The following DPYD variants were observed in gnomAD, a reference collection of about 807,000 sequenced individuals.
DPYD encodes dihydropyrimidine dehydrogenase [NADP(+)].
A neutral mutation model predicts 116.2 loss-of-function variants in DPYD; 109 were observed. That is an observed-to-expected ratio of 0.94 (90% CI 0.80 to 1.10). The LOEUF (loss-of-function observed/expected upper bound fraction) is 1.10, where lower values mean the gene tolerates loss of function less well. Among genes scored for constraint, DPYD ranks in the 50% least tolerant of loss-of-function variants. The pLI is 0.00. For synonymous variants in DPYD, 440 were observed against 432.0 expected (o/e 1.02, Z -0.23); for missense variants, 1,302 against 1,254.5 (o/e 1.04, Z -0.57).
intron 5 of DPYD, among the ~76,000 whole-genome samples, chr1:97,714,655 CA>C (rs1193831747): frequency 0.059 from 2,954 of 49,940 alleles, 76 homozygotes; most frequent in African/African-American, 0.18. Flanking sequence ...AAAGAAAAGA[CA>C]AAAAAAAAAA....
At chr1:97,488,312 A>G (rs1678767168) in intron 13 of DPYD, among the ~76,000 whole-genome samples, 1 of 152,168 alleles carries the variant, frequency 6.6e-6, no homozygotes, top group South Asian at 2.1e-4. Flanking sequence ...TGTGACTACA[A>G]AAGGTTATGT....
chr1:97,882,818 C>T (rs1672295913), intron 2 of DPYD, among the ~76,000 whole-genome samples: 1 of 151,854 alleles, frequency 6.6e-6, no homozygotes, highest in African/African-American at 2.4e-5. Flanking sequence ...TTTTAAAGTC[C>T]ACAGATACCA....
chr1:97,549,566 G>T lies in DPYD; in HGVS notation c.1518C>A (p.Tyr506Ter). 5 of 1,613,762 alleles carry T rather than the reference G, an allele frequency of 3.1e-6. No individual in the cohort carries two copies. Among genetic ancestry groups the T allele is most frequent in the Non-Finnish European group, 4.2e-6 (5 of 1,179,786 alleles). Residue 506 changes from tyrosine (Y) to a stop codon, truncating the protein, a stop_gained, in exon 12 of 23, where the codon TAC (tyrosine) becomes TAA (stop). Coordinates refer to ENST00000370192, the MANE Select transcript of DPYD (RefSeq NM_000110.4). LOFTEE classifies it high-confidence loss of function. ...GKQASWYIHK[Y>*]VQSQYGASVS... is the part of the protein sequence containing the mutation. Reference sequence around the variant, plus strand: ...AATGATGGCAAATGCCTACCTGTACGTATTTGTGAATGTACCAAGAAGCTT... The same window carrying T: ...AATGATGGCAAATGCCTACCTGTACTTATTTGTGAATGTACCAAGAAGCTT...
chr1:97,243,908 A>G (rs1426980116), intron 18 of DPYD, among the ~76,000 whole-genome samples: 1 of 151,946 alleles, frequency 6.6e-6, no homozygotes, highest in Non-Finnish European at 1.5e-5. Context: ...AGCTATAACT[A>G]AAGATAATTA....
intron 18 of DPYD, chr1:97,296,271 C>A (rs1666525294): frequency 6.6e-6 from 1 of 152,034 alleles, no homozygotes; most frequent in Non-Finnish European, 1.5e-5. Flanking sequence ...ATAGAAAGAG[C>A]AAGTCATCAA....
chr1:97,627,122 C>T (rs965513547), intron 8 of DPYD, among the ~76,000 whole-genome samples: 2 of 151,886 alleles, frequency 1.3e-5, no homozygotes, highest in South Asian at 2.1e-4. Context: ...CTCTCAGGTC[C>T]TCATCACTTC....
intron 8 of DPYD, among the ~76,000 whole-genome samples, chr1:97,646,445 T>C (rs1022524067): frequency 2.6e-5 from 4 of 152,078 alleles, no homozygotes; most frequent in African/African-American, 9.7e-5. Flanking sequence ...AACGCACATC[T>C]TCTTTTATAT....
At chr1:97,745,851 A>G (rs1321034108) in intron 3 of DPYD, among the ~76,000 whole-genome samples, 1 of 152,108 alleles carries the variant, frequency 6.6e-6, no homozygotes, top group Non-Finnish European at 1.5e-5. Context: ...ACAGGTTAGA[A>G]TTTTAAAAGG....
intron 20 of DPYD, among the ~76,000 whole-genome samples, chr1:97,151,422 C>T (rs1482282740): frequency 2.0e-5 from 3 of 152,070 alleles, no homozygotes; most frequent in Non-Finnish European, 2.9e-5. Flanking sequence ...GCCTGTAATC[C>T]CAGCACTTTG....
intron 3 of DPYD, among the ~76,000 whole-genome samples, chr1:97,804,861 C>T (rs1668009060): frequency 6.6e-6 from 1 of 151,726 alleles, no homozygotes; most frequent in Non-Finnish European, 1.5e-5. Context: ...TTTAACTAGA[C>T]CAATTAATAA....
intron 4 of DPYD, among the ~76,000 whole-genome samples, chr1:97,730,282 C>T (rs1490328170): frequency 1.3e-5 from 2 of 152,048 alleles, no homozygotes; most frequent in Non-Finnish European, 2.9e-5. Flanking sequence ...AGTGCAGTGG[C>T]GATATCTTGG....
At chr1:97,745,824 C>G (rs1489282521) in intron 3 of DPYD, among the ~76,000 whole-genome samples, 7 of 152,034 alleles carry the variant, frequency 4.6e-5, no homozygotes, top group Admixed American at 1.3e-4. Context: ...CCAGGACTAT[C>G]CCATCTACGT....
intron 18 of DPYD, among the ~76,000 whole-genome samples, chr1:97,296,869 T>A (rs12023626): frequency 0.051 from 7,822 of 152,192 alleles, 453 homozygotes; most frequent in East Asian, 0.19. Flanking sequence ...TATGAATTTT[T>A]AAATGGGTGA....
intron 12 of DPYD, among the ~76,000 whole-genome samples, chr1:97,525,978 A>AGTGTGTGTGTGTGT (rs71071658): frequency 1.8e-3 from 253 of 138,214 alleles, no homozygotes; most frequent in South Asian, 3.6e-3. Context: ...GGTAATTAAG[A>AGTGTGTGTGTGTGT]GTGTGTGTGT....
chr1:97,373,466 T>C (rs972032691), intron 16 of DPYD, 95 bp downstream of exon 16: 6 of 1,044,014 alleles, frequency 5.7e-6, no homozygotes, highest in African/African-American at 1.6e-5. Flanking sequence ...AGTCATCTGA[T>C]CCATGCATCT....
At chr1:97,856,442 C>G (rs1670851406) in intron 2 of DPYD, 1 of 152,034 alleles carries the variant, frequency 6.6e-6, no homozygotes, top group Non-Finnish European at 1.5e-5. Flanking sequence ...ATTATCAAAG[C>G]CAGATTATTT....
At chr1:97,630,888 T>C (rs1345955420) in intron 8 of DPYD, among the ~76,000 whole-genome samples, 1 of 152,096 alleles carries the variant, frequency 6.6e-6, no homozygotes, top group Non-Finnish European at 1.5e-5. Context: ...TCCTGCCCTT[T>C]ACAAAGCCCA....
At chr1:97,828,335 T>C in intron 2 of DPYD, 139 bp from the exon 3 acceptor site, 2 of 707,896 alleles carry the variant, frequency 2.8e-6, no homozygotes, top group Non-Finnish European at 4.8e-6. Flanking sequence ...TGGGTAGCAT[T>C]CATTAAAATT....
chr1:97,713,359 T>G (rs980128297), intron 5 of DPYD, among the ~76,000 whole-genome samples: 1 of 152,126 alleles, frequency 6.6e-6, no homozygotes, highest in Non-Finnish European at 1.5e-5. Context: ...ATTTTAACCA[T>G]GCGATTTCGT....
Sources: gnomAD v4.1 joint callset for allele counts (sites outside exome capture counted in the v4.1 genomes callset) on GRCh38, gnomAD v4.1.1 for gene constraint, MANE v1.5 for transcripts, NCBI Gene and HGNC (gene_info 2026-07-23, HGNC 2026-07-21) for gene names.